ZNF782: variants seen among roughly 807,000 people sequenced by gnomAD.
The protein encoded by ZNF782 is zinc finger protein 782.
In ZNF782, 12 loss-of-function variants were observed where a neutral mutation model predicts 13.0. The ratio of observed to expected loss-of-function variants is 0.92; its 90% CI spans 0.59 to 1.50. The LOEUF (loss-of-function observed/expected upper bound fraction) is 1.50. Ranked by LOEUF, ZNF782 falls within the 40% of genes most tolerant of loss-of-function variation. The pLI is 0.00. For synonymous variants in ZNF782, 284 were observed against 283.0 expected (o/e 1.00, Z -0.04); for missense variants, 770 against 822.9 (o/e 0.94, Z 0.79).
At chr9:96,876,456 A>G (rs144050463), upstream of ZNF782, among the ~76,000 whole-genome samples, 18 of 152,322 alleles carry the variant, frequency 1.2e-4, 1 homozygote, top group East Asian at 7.7e-4. Context: ...ACATTTTTCA[A>G]TACAAAGGAA....
chr9:96,838,272 G>C (rs1851065454), intron 4 of ZNF782, among the ~76,000 whole-genome samples: 1 of 152,154 alleles, frequency 6.6e-6, no homozygotes, highest in South Asian at 2.1e-4. Context: ...ATTTGTTAAA[G>C]TGTGCTTTAT....
At chr9:96,915,267 A>G in the ZNF782 span, among the ~76,000 whole-genome samples, 1 of 152,150 alleles carries the variant, frequency 6.6e-6, no homozygotes, top group African/African-American at 2.4e-5. Flanking sequence ...CCTGTTCACT[A>G]GCAAATCGTG....
chr9:96,837,356 T>C (rs1008167212), intron 4 of ZNF782, among the ~76,000 whole-genome samples: 2 of 152,212 alleles, frequency 1.3e-5, no homozygotes, highest in Non-Finnish European at 2.9e-5. Context: ...TTATAATCAG[T>C]TTTATTTCTG....
At chr9:96,908,328 C>T in the ZNF782 span, among the ~76,000 whole-genome samples, 4 of 151,634 alleles carry the variant, frequency 2.6e-5, no homozygotes, top group Non-Finnish European at 4.4e-5. Context: ...CCTCCTGCTT[C>T]AGCCTCCCAA....
At position 96,818,873 on chromosome 9, in the gene ZNF782, G is replaced by A. The variant is rs748672326; in HGVS notation, c.1150C>T (p.Pro384Ser). ...TTCTCCCCTGTGTGACTTTTCTGAG[G>A]CCAAATCAAGTGTGAATTCATAGAG... is the stretch of plus-strand genomic sequence containing the variant. Reference protein sequence around the residue: ...SCSMNSHLIWPQKSHTGEKPY... With the variant: ...SCSMNSHLIWSQKSHTGEKPY... Residue 384 changes from proline (P) to serine (S), a missense_variant, in exon 6 of 6, where the codon CCT becomes TCT. Transcript: ENST00000481138. 6.2e-7 allele frequency: 1 copy of A among 1,614,168 alleles called. No individual in the cohort carries two copies. The highest frequency in any genetic ancestry group is 8.5e-7 in the Non-Finnish European group (1 of 1,180,018).
chr9:96,829,801 A>G (rs1850739561), intron 4 of ZNF782, among the ~76,000 whole-genome samples: 1 of 152,172 alleles, frequency 6.6e-6, no homozygotes, highest in Non-Finnish European at 1.5e-5. Flanking sequence ...AAAAATTTCA[A>G]AGAGCCAAAA....
chr9:96,903,160 C>A, the ZNF782 span: 2 of 151,398 alleles, frequency 1.3e-5, no homozygotes, highest in Non-Finnish European at 2.9e-5. Context: ...AATGCAGATA[C>A]AAAAGAGCTC....
chr9:96,930,523 C>CAAA, the ZNF782 span, among the ~76,000 whole-genome samples: 1 of 61,622 alleles, frequency 1.6e-5, no homozygotes, highest in African/African-American at 6.0e-5. Context: ...GACTCCGTCT[C>CAAA]AAAAAAAAAA....
chr9:96,861,118 C>A (rs1851699092), intron 2 of ZNF782, among the ~76,000 whole-genome samples: 2 of 152,062 alleles, frequency 1.3e-5, no homozygotes, highest in Non-Finnish European at 2.9e-5. Context: ...AGATTTAAAT[C>A]AAAGACCTCA....
chr9:96,921,174 G>A, the ZNF782 span, among the ~76,000 whole-genome samples: 7 of 148,062 alleles, frequency 4.7e-5, no homozygotes, highest in South Asian at 1.5e-3. Flanking sequence ...AAAGAGTGTG[G>A]ACTTTTTTTT....
chr9:96,876,485 G>A (rs1252116940), upstream of ZNF782, among the ~76,000 whole-genome samples: 1 of 152,110 alleles, frequency 6.6e-6, no homozygotes, highest in Admixed American at 6.5e-5. Flanking sequence ...GAAAAACAAG[G>A]ATCCTCCCTC....
chr9:96,884,644 G>A, the ZNF782 span, among the ~76,000 whole-genome samples: 4 of 152,120 alleles, frequency 2.6e-5, no homozygotes, highest in South Asian at 2.1e-4. Flanking sequence ...GTGAGTCAGC[G>A]TCCCACTTTG....
rs1299008649 is a variant in ZNF782, at chr9:96,861,527, C to G, written c.-381+1G>C. On this transcript the variant is annotated splice_donor_variant, in intron 2 of 5. Coordinates refer to the ZNF782 transcript ENST00000498811. LOFTEE classifies it low-confidence loss of function (5UTR_SPLICE). ...TTGGGAGAATTAAGGGCAAAAATTA[C>G]CTGAGCCCAGGAGGTTGAGGCTGCA... 3 of 154,126 alleles carry G rather than the reference C, an allele frequency of 1.9e-5. No individual in the cohort carries two copies. Among genetic ancestry groups the G allele is most frequent in the Non-Finnish European group, 4.4e-5 (3 of 68,044 alleles). 9.5% of individuals were successfully genotyped at this position (154,126 alleles called of 1,614,324 possible).
At chr9:96,931,822 C>A in the ZNF782 span, 1 of 1,612,226 alleles carries the variant, frequency 6.2e-7, no homozygotes, top group South Asian at 1.1e-5. Flanking sequence ...GCCCAACACA[C>A]AGGCCGCCCC....
the ZNF782 span, among the ~76,000 whole-genome samples, chr9:96,902,710 T>C: frequency 2.1e-5 from 3 of 144,472 alleles, no homozygotes; most frequent in Non-Finnish European, 4.5e-5. Flanking sequence ...ATGTAAACAT[T>C]ATTTTATATA....
rs190550966 is a variant in ZNF782, at chr9:96,836,508, T to C, written c.142+8382A>G. Among the ~76,000 whole-genome samples the C allele has an allele frequency of 4.6e-5, 7 of 152,304 alleles. No homozygotes were observed. In the East Asian group the frequency reaches 1.4e-3, roughly 29 times the overall value. On this transcript the variant is annotated intron_variant, in intron 4 of 5. Coordinates refer to ENST00000481138, the MANE Select transcript of ZNF782 (RefSeq NM_001001662.3). ...GAGCCACCATGCCTGCCCAATAACTTATTTTTGATTTTACAGGCTTGTAGC... is the reference window on the plus strand; with the variant it reads ...GAGCCACCATGCCTGCCCAATAACTCATTTTTGATTTTACAGGCTTGTAGC...
the ZNF782 span, among the ~76,000 whole-genome samples, chr9:96,881,927 C>G: frequency 6.6e-6 from 1 of 151,474 alleles, no homozygotes; most frequent in African/African-American, 2.4e-5. Context: ...AAATGTTAAG[C>G]CTTCCTTGTT....
At chr9:96,840,056 C>A (rs1851140572) in intron 4 of ZNF782, among the ~76,000 whole-genome samples, 1 of 152,120 alleles carries the variant, frequency 6.6e-6, no homozygotes. Context: ...AATTAATGCA[C>A]CTGTAATTTC....
chr9:96,847,472 A>AAACTGGAAACATTAC (rs1851374068), intron 3 of ZNF782, among the ~76,000 whole-genome samples: 2 of 152,200 alleles, frequency 1.3e-5, no homozygotes, highest in Admixed American at 6.5e-5. Flanking sequence ...ATTAGAAATG[A>AAACTGGAAACATTAC]AACTGGAAAC....
Sources: gnomAD v4.1 joint callset for allele counts (sites outside exome capture counted in the v4.1 genomes callset) on GRCh38, gnomAD v4.1.1 for gene constraint, MANE v1.5 for transcripts, NCBI Gene and HGNC (gene_info 2026-07-23, HGNC 2026-07-21) for gene names.